ZNRF3: variants seen among roughly 807,000 people sequenced by gnomAD.
ZNRF3 encodes the protein E3 ubiquitin-protein ligase ZNRF3.
ZNRF3 carries 23 observed loss-of-function variants against 72.5 expected under a neutral mutation model. The ratio of observed to expected loss-of-function variants is 0.32; its 90% CI spans 0.23 to 0.45. ZNRF3 has a LOEUF of 0.45. Among genes scored for constraint, ZNRF3 ranks in the 20% least tolerant of loss-of-function variants. ZNRF3 has a pLI of 1.00. For missense variants in ZNRF3, 1,169 were observed against 1,272.1 expected, an observed-to-expected ratio of 0.92 and a Z score of 1.23; for synonymous variants, 610 against 545.3, an observed-to-expected ratio of 1.12 and a Z score of -1.65.
Position 29,044,846 on chromosome 22 carries a change from C to T in ZNRF3, c.700C>T (p.Leu234Phe). ...CTTCGTCGTGGTCTCCTTGGTCTGC[C>T]TCATCCTCCTTGTCAAAATCAAGCT... ...AFFVVVSLVC[L>F]ILLVKIKLKQ... Residue 234 changes from leucine to phenylalanine, a missense_variant, in exon 5 of 9, where the codon CTC becomes TTC. Transcript: ENST00000544604. 1 of 1,614,084 alleles carries T rather than the reference C, an allele frequency of 6.2e-7. No individual in the cohort carries two copies. The highest frequency in any genetic ancestry group is 8.5e-7 in the Non-Finnish European group (1 of 1,180,024).
At chr22:28,902,945 G>T (rs1001563566) in intron 1 of ZNRF3, among the ~76,000 whole-genome samples, 1 of 152,096 alleles carries the variant, frequency 6.6e-6, no homozygotes, top group East Asian at 1.9e-4. Flanking sequence ...ATCCAAAAAT[G>T]CCATTTACTG....
Position 28,905,092 on chromosome 22 carries a change from C to A in ZNRF3, c.300+21026C>A, listed in dbSNP as rs551726278. Among the ~76,000 whole-genome samples, 104 of 152,168 alleles carry A rather than the reference C, an allele frequency of 6.8e-4. 2 individuals are homozygous for A. In the South Asian group the frequency reaches 0.021, roughly 30 times the overall value. On this transcript the variant is annotated intron_variant, in intron 1 of 8. Transcript: ENST00000544604. ...CTGGTACTACAGGCACCTGATACCA[C>A]TCCCAGCTAATTTTTTCACTTTTTT...
intron 1 of ZNRF3, among the ~76,000 whole-genome samples, chr22:28,982,552 C>G (rs1304343310): frequency 1.4e-5 from 2 of 139,532 alleles, no homozygotes; most frequent in African/African-American, 5.4e-5. Context: ...GGTGACAGAA[C>G]AAGACCCTGC....
chr22:29,024,441 A>AGCGT (rs1463683366), intron 2 of ZNRF3, among the ~76,000 whole-genome samples: 4 of 152,176 alleles, frequency 2.6e-5, no homozygotes, highest in Non-Finnish European at 5.9e-5. Flanking sequence ...GTTCCCAGGC[A>AGCGT]GCGTGCGTTG....
chr22:28,958,957 A>G (rs1380615867), intron 1 of ZNRF3, among the ~76,000 whole-genome samples: 1 of 152,232 alleles, frequency 6.6e-6, no homozygotes, highest in Non-Finnish European at 1.5e-5. Context: ...GAATGGAGTC[A>G]CTTGGGAGGG....
intron 1 of ZNRF3, among the ~76,000 whole-genome samples, chr22:28,915,217 C>G (rs2034387984): frequency 6.6e-6 from 1 of 152,166 alleles, no homozygotes; most frequent in Non-Finnish European, 1.5e-5. Context: ...TCAAGGTGAT[C>G]AGGGTTGATT....
At chr22:29,031,224 A>T (rs903882580) in intron 2 of ZNRF3, 1 of 152,224 alleles carries the variant, frequency 6.6e-6, no homozygotes, top group Non-Finnish European at 1.5e-5. Context: ...TATTTTTTTA[A>T]AGCTGTGTGC....
At chr22:29,011,592 G>A (rs1327875915) in intron 2 of ZNRF3, among the ~76,000 whole-genome samples, 1 of 152,236 alleles carries the variant, frequency 6.6e-6, no homozygotes, top group South Asian at 2.1e-4. Flanking sequence ...TTTATCTTTA[G>A]GTTCTGAATG....
intron 1 of ZNRF3, among the ~76,000 whole-genome samples, chr22:28,904,164 T>C (rs974632882): frequency 6.6e-6 from 1 of 152,190 alleles, no homozygotes; most frequent in Non-Finnish European, 1.5e-5. Flanking sequence ...TCCTCTTCAC[T>C]CGGCCTCTGT....
chr22:28,887,233 AGAGTGTGTGT>A (rs1569234099), intron 1 of ZNRF3, among the ~76,000 whole-genome samples: 1 of 72,854 alleles, frequency 1.4e-5, no homozygotes, highest in Non-Finnish European at 2.5e-5. Flanking sequence ...AGAGAGAGAG[AGAGTGTGTGT>A]GTGTGTGTGT....
chr22:29,050,764 G>A lies in ZNRF3; in HGVS notation c.2583G>A (p.Pro861=), dbSNP rs751860173. ...GCTCCTGGGGTGGGACGCGAGGCCC[G>A]GATACCCCACGGCCCCACAGGGGCC... ...SLGSWGGTRG[P]DTPRPHRGLG... is the part of the protein sequence containing the mutation. Residue 861 remains proline (P), a synonymous_variant, in exon 8 of 9, where the codon CCG becomes CCA. Coordinates refer to ENST00000544604, the MANE Select transcript of ZNRF3 (RefSeq NM_001206998.2). The A allele has an allele frequency of 4.1e-5, 66 of 1,607,066 alleles. No homozygotes were observed. Among genetic ancestry groups the A allele is most frequent in the South Asian group, 4.0e-4 (36 of 90,342 alleles).
chr22:29,019,473 C>T (rs575819672), intron 2 of ZNRF3, among the ~76,000 whole-genome samples: 2 of 152,160 alleles, frequency 1.3e-5, no homozygotes, highest in South Asian at 2.1e-4. Flanking sequence ...AATTCTGTTC[C>T]CATATGAAAG....
chr22:28,968,717 A>G (rs2035518958), intron 1 of ZNRF3, among the ~76,000 whole-genome samples: 1 of 152,236 alleles, frequency 6.6e-6, no homozygotes, highest in African/African-American at 2.4e-5. Flanking sequence ...CTCCAAAAAA[A>G]TAAAGTCATT....
chr22:29,043,495 C>G (rs967032794), intron 4 of ZNRF3, 65 bp downstream of exon 4: 2 of 1,576,300 alleles, frequency 1.3e-6, no homozygotes, highest in African/African-American at 2.7e-5. Flanking sequence ...CCCTTTATTT[C>G]CCTTGGGCTT....
chr22:28,889,654 A>G (rs1279694357), intron 1 of ZNRF3, among the ~76,000 whole-genome samples: 1 of 152,210 alleles, frequency 6.6e-6, no homozygotes, highest in South Asian at 2.1e-4. Flanking sequence ...TTAGGCCCTG[A>G]GGCATCCATT....
At chr22:28,999,163 CAAAAAAAAAA>C (rs10601140) in intron 2 of ZNRF3, among the ~76,000 whole-genome samples, 2 of 63,448 alleles carry the variant, frequency 3.2e-5, no homozygotes, top group Non-Finnish European at 3.9e-5. Flanking sequence ...AATAAAAATA[CAAAAAAAAAA>C]AAAAAAAAAA....
intron 1 of ZNRF3, among the ~76,000 whole-genome samples, chr22:28,977,712 A>G: frequency 6.6e-6 from 1 of 152,208 alleles, no homozygotes; most frequent in East Asian, 1.9e-4. Context: ...CTTCTGTGTA[A>G]CAGTAACCCA....
At chr22:28,985,156 C>T (rs574331854) in intron 1 of ZNRF3, among the ~76,000 whole-genome samples, 30 of 152,228 alleles carry the variant, frequency 2.0e-4, no homozygotes, top group African/African-American at 6.5e-4. Context: ...CCAAGAATAC[C>T]ACTGCTCCAA....
chr22:28,927,740 A>G (rs2034630254), intron 1 of ZNRF3, among the ~76,000 whole-genome samples: 1 of 152,246 alleles, frequency 6.6e-6, no homozygotes, highest in Non-Finnish European at 1.5e-5. Flanking sequence ...ATCACATGGC[A>G]GCATATTTTA....
Sources: gnomAD v4.1 joint callset for allele counts (sites outside exome capture counted in the v4.1 genomes callset) on GRCh38, gnomAD v4.1.1 for gene constraint, MANE v1.5 for transcripts, NCBI Gene and HGNC (gene_info 2026-07-23, HGNC 2026-07-21) for gene names.